TRIM2: variants seen among roughly 807,000 people sequenced by gnomAD.
TRIM2 encodes the protein tripartite motif-containing protein 2.
TRIM2 carries 20 observed loss-of-function variants against 75.2 expected under a neutral mutation model. That is an observed-to-expected ratio of 0.27 (90% CI 0.19 to 0.39). TRIM2 has a LOEUF of 0.39. Ranked by LOEUF, TRIM2 falls within the 10% of genes least tolerant of loss-of-function variation. The pLI, the probability that TRIM2 is intolerant of heterozygous loss-of-function variation, is 1.00. For synonymous variants in TRIM2, 373 were observed against 388.3 expected, an observed-to-expected ratio of 0.96 and a Z score of 0.46; for missense variants, 660 against 990.8, an observed-to-expected ratio of 0.67 and a Z score of 4.48.
At chr4:153,229,238 A>G (rs1742963577) in intron 1 of TRIM2, among the ~76,000 whole-genome samples, 1 of 152,214 alleles carries the variant, frequency 6.6e-6, no homozygotes, top group Non-Finnish European at 1.5e-5. Context: ...TTAAACAAAT[A>G]TTCTGAATTT....
At chr4:153,304,020 A>G (rs1449320108) in intron 6 of TRIM2, among the ~76,000 whole-genome samples, 1 of 152,252 alleles carries the variant, frequency 6.6e-6, no homozygotes, top group Non-Finnish European at 1.5e-5. Context: ...TGCCTTCAGC[A>G]TAAATCAAGG....
At chr4:153,165,344 A>G (rs1730190913) in intron 1 of TRIM2, among the ~76,000 whole-genome samples, 1 of 152,084 alleles carries the variant, frequency 6.6e-6, no homozygotes, top group Non-Finnish European at 1.5e-5. Context: ...ATTTTTACTT[A>G]TTTTGAGACA....
At chr4:153,223,281 C>A (rs1451499752) in intron 1 of TRIM2, among the ~76,000 whole-genome samples, 1 of 152,156 alleles carries the variant, frequency 6.6e-6, no homozygotes, top group Non-Finnish European at 1.5e-5. Context: ...TCCCGGGAGT[C>A]GCGGACCTCT....
At chr4:153,177,743 T>TTCCTTCCTTCCTTCCTTCCC (rs1731612058) in intron 1 of TRIM2, among the ~76,000 whole-genome samples, 1 of 150,992 alleles carries the variant, frequency 6.6e-6, no homozygotes. Flanking sequence ...CCTTCCTTCC[T>TTCCTTCCTTCCTTCCTTCCC]TCCTTCCTTC....
At chr4:153,236,083 A>T (rs941376469) in intron 1 of TRIM2, among the ~76,000 whole-genome samples, 3 of 151,852 alleles carry the variant, frequency 2.0e-5, no homozygotes, top group Non-Finnish European at 2.9e-5. Context: ...AGCATCTCGC[A>T]TTTCTCCTGC....
At chr4:153,168,894 T>C (rs1398438264) in intron 1 of TRIM2, among the ~76,000 whole-genome samples, 1 of 152,110 alleles carries the variant, frequency 6.6e-6, no homozygotes, top group African/African-American at 2.4e-5. Context: ...CTGAGCAATA[T>C]AGCAAGACCC....
chr4:153,238,341 A>T lies in TRIM2; in HGVS notation c.31-31994A>T, dbSNP rs551145640. Among the ~76,000 whole-genome samples, 30 of 151,616 alleles carry T rather than the reference A, an allele frequency of 2.0e-4. 1 individual carries two copies. In the South Asian group the frequency reaches 3.9e-3, roughly 20 times the overall value. ...TAAAGCATGACACATGACATCACAC[A>T]TTTCACAATTTGTACCCAAGCAAAG... On this transcript the variant is annotated intron_variant, in intron 1 of 11. Coordinates refer to ENST00000338700, the MANE Select transcript of TRIM2 (RefSeq NM_015271.5).
intron 1 of TRIM2, among the ~76,000 whole-genome samples, chr4:153,243,807 C>CT (rs34997724): frequency 9.4e-5 from 11 of 117,514 alleles, no homozygotes; most frequent in Admixed American, 2.5e-4. Context: ...CCTCCCCCTC[C>CT]TTTTTTTTTT....
At chr4:153,279,612 C>G (rs1400949172) in intron 3 of TRIM2, among the ~76,000 whole-genome samples, 2 of 151,964 alleles carry the variant, frequency 1.3e-5, no homozygotes, top group African/African-American at 4.8e-5. Flanking sequence ...AGAATTCCAG[C>G]CTGGGCAACA....
intron 1 of TRIM2, among the ~76,000 whole-genome samples, chr4:153,217,738 G>A (rs1253900129): frequency 6.6e-6 from 1 of 152,124 alleles, no homozygotes. Flanking sequence ...CAGAGAATAA[G>A]GATAAGAATT....
chr4:153,213,050 T>C (rs1737499668), intron 1 of TRIM2, among the ~76,000 whole-genome samples: 1 of 152,182 alleles, frequency 6.6e-6, no homozygotes, highest in Non-Finnish European at 1.5e-5. Context: ...GGCTACCAAC[T>C]TGACTGTAAG....
At chr4:153,269,282 G>T (rs952974786) in intron 1 of TRIM2, among the ~76,000 whole-genome samples, 1 of 152,202 alleles carries the variant, frequency 6.6e-6, no homozygotes, top group African/African-American at 2.4e-5. Context: ...AGAAAGAGGG[G>T]TTTGGACTCC....
At chr4:153,254,502 G>T (rs1260820008) in intron 1 of TRIM2, among the ~76,000 whole-genome samples, 1 of 152,150 alleles carries the variant, frequency 6.6e-6, no homozygotes, top group East Asian at 1.9e-4. Context: ...CTCTGCCCTT[G>T]AGACCCCCGA....
At chr4:153,168,161 A>C in intron 1 of TRIM2, among the ~76,000 whole-genome samples, 1 of 152,080 alleles carries the variant, frequency 6.6e-6, no homozygotes, top group Non-Finnish European at 1.5e-5. Flanking sequence ...ATTTACCTAC[A>C]TTAGGGAATT....
intron 1 of TRIM2, among the ~76,000 whole-genome samples, chr4:153,266,628 A>C (rs917832113): frequency 2.0e-5 from 3 of 147,406 alleles, no homozygotes; most frequent in Non-Finnish European, 4.5e-5. Flanking sequence ...GGTGTGAGCC[A>C]CTGTGCCCGA....
intron 11 of TRIM2, 115 bp from the exon 12 acceptor site, chr4:153,334,699 C>A: frequency 2.0e-6 from 2 of 1,024,618 alleles, no homozygotes; most frequent in East Asian, 2.5e-5. Context: ...GAGTGAGACC[C>A]TGTCAAAAAG....
At chr4:153,153,869 A>G (rs1728972837) in intron 1 of TRIM2, among the ~76,000 whole-genome samples, 1 of 152,196 alleles carries the variant, frequency 6.6e-6, no homozygotes, top group African/African-American at 2.4e-5. Flanking sequence ...CGCCGCGCCC[A>G]GAACTCGTTT....
intron 1 of TRIM2, among the ~76,000 whole-genome samples, chr4:153,167,324 T>C (rs1190863241): frequency 6.6e-6 from 1 of 152,240 alleles, no homozygotes; most frequent in Non-Finnish European, 1.5e-5. Context: ...GAAGATGGTA[T>C]GGTGTTTCCC....
intron 3 of TRIM2, among the ~76,000 whole-genome samples, chr4:153,281,987 G>C (rs938569099): frequency 6.6e-6 from 1 of 152,220 alleles, no homozygotes; most frequent in African/African-American, 2.4e-5. Context: ...TCAACTGTCA[G>C]TGCCCTTAAG....
Sources: allele counts gnomAD v4.1 joint callset (sites outside exome capture counted in the v4.1 genomes callset), GRCh38; gene constraint gnomAD v4.1.1; transcripts MANE v1.5; gene names NCBI Gene and HGNC (gene_info 2026-07-23, HGNC 2026-07-21).